TRPM3: variants seen among roughly 807,000 people sequenced by gnomAD.
TRPM3 encodes the protein transient receptor potential cation channel subfamily M member 3.
Under a neutral mutation model 181.2 loss-of-function variants are expected in TRPM3, and 77 were observed. The observed-to-expected ratio is 0.42, with a 90% confidence interval of 0.35 to 0.51. The LOEUF (loss-of-function observed/expected upper bound fraction) is 0.51. Among genes scored for constraint, TRPM3 ranks in the 20% least tolerant of loss-of-function variants. The pLI, the probability that TRPM3 is intolerant of heterozygous loss-of-function variation, is 0.01. For synonymous variants in TRPM3, 745 were observed against 796.4 expected, an observed-to-expected ratio of 0.94 and a Z score of 1.09; for missense variants, 1,759 against 2,196.7, an observed-to-expected ratio of 0.80 and a Z score of 3.98.
At position 70,810,805 on chromosome 9, in the gene TRPM3, G is replaced by C. The variant is rs187557454; in HGVS notation, c.973+17042C>G. On this transcript the variant is annotated intron_variant, in intron 6 of 25. Transcript: ENST00000677713. ...TTTAAGGCAAAGGCTTAACCTCTTGGAGGTGCCATTTCATCAACTGTATAA... is the reference window on the plus strand; with the variant it reads ...TTTAAGGCAAAGGCTTAACCTCTTGCAGGTGCCATTTCATCAACTGTATAA... 2.3e-3 allele frequency among the ~76,000 whole-genome samples: 350 copies of C among 152,284 alleles called. 1 individual carries two copies. Among genetic ancestry groups the C allele is most frequent in the African/African-American group, 8.2e-3 (341 of 41,560 alleles).
chr9:70,692,004 TAAAAC>T (rs1291920210), intron 8 of TRPM3, among the ~76,000 whole-genome samples: 2 of 152,116 alleles, frequency 1.3e-5, no homozygotes, highest in African/African-American at 4.8e-5. Flanking sequence ...GCTAAAAGTC[TAAAAC>T]AAAACAAAAC....
At chr9:71,288,602 G>C (rs1464764482) in intron 1 of TRPM3, among the ~76,000 whole-genome samples, 1 of 152,014 alleles carries the variant, frequency 6.6e-6, no homozygotes, top group Non-Finnish European at 1.5e-5. Context: ...TTTTTAAAAG[G>C]CATTTTCACA....
At chr9:70,758,162 C>A (rs2077425053) in intron 8 of TRPM3, among the ~76,000 whole-genome samples, 1 of 152,178 alleles carries the variant, frequency 6.6e-6, no homozygotes, top group South Asian at 2.1e-4. Context: ...GTGCAAAAAT[C>A]ACAAGCATCC....
intron 1 of TRPM3, among the ~76,000 whole-genome samples, chr9:71,067,863 T>C (rs756183318): frequency 2.6e-5 from 4 of 152,188 alleles, no homozygotes; most frequent in Non-Finnish European, 5.9e-5. Flanking sequence ...CTAATTATAA[T>C]GTAACTTTGG....
intron 1 of TRPM3, among the ~76,000 whole-genome samples, chr9:71,027,612 TCAA>T (rs1406248281): frequency 6.6e-6 from 1 of 152,126 alleles, no homozygotes; most frequent in East Asian, 1.9e-4. Flanking sequence ...AGGATCAAAA[TCAA>T]CATAATCAAC....
chr9:70,692,060 C>A (rs929359432), intron 8 of TRPM3, among the ~76,000 whole-genome samples: 1 of 152,158 alleles, frequency 6.6e-6, no homozygotes, highest in Non-Finnish European at 1.5e-5. Context: ...GACACGCTTG[C>A]GGGGCTTTCT....
At chr9:71,265,869 G>A (rs1202406045) in intron 1 of TRPM3, among the ~76,000 whole-genome samples, 1 of 152,096 alleles carries the variant, frequency 6.6e-6, no homozygotes, top group Non-Finnish European at 1.5e-5. Context: ...CATATTTTAA[G>A]TTCAAGCAAC....
intron 1 of TRPM3, among the ~76,000 whole-genome samples, chr9:71,404,489 A>G (rs1365106066): frequency 6.6e-6 from 1 of 152,056 alleles, no homozygotes; most frequent in African/African-American, 2.4e-5. Context: ...GTTCTTTCAA[A>G]TCTGCCTTAT....
intron 1 of TRPM3, among the ~76,000 whole-genome samples, chr9:71,098,901 C>T (rs1348186463): frequency 6.6e-6 from 1 of 152,102 alleles, no homozygotes; most frequent in African/African-American, 2.4e-5. Flanking sequence ...GATACTCATG[C>T]CTCCCTAGGC....
At chr9:70,962,222 C>T (rs1434070496) in intron 1 of TRPM3, among the ~76,000 whole-genome samples, 1 of 152,042 alleles carries the variant, frequency 6.6e-6, no homozygotes, top group East Asian at 1.9e-4. Flanking sequence ...GGGTGTTTCC[C>T]AGTAAGGTTA....
At chr9:70,892,473 A>G (rs1446590575) in intron 1 of TRPM3, among the ~76,000 whole-genome samples, 11 of 152,128 alleles carry the variant, frequency 7.2e-5, no homozygotes, top group Non-Finnish European at 1.5e-4. Flanking sequence ...AACATTTATT[A>G]TCTTGAAAGA....
chr9:70,534,865 G>T lies in TRPM3; in HGVS notation c.*1088C>A, dbSNP rs2041391995. 6.6e-6 allele frequency: 1 copy of T among 152,262 alleles called. No homozygotes were observed. 9.4% of individuals were successfully genotyped at this position (152,262 alleles called of 1,614,324 possible). A position where few individuals can be genotyped will look rare whatever the true frequency, so the allele number is the denominator to read the frequency against. On this transcript the variant is annotated 3_prime_UTR_variant, in exon 26 of 26. Transcript: ENST00000677713. ...ATAACCATATATTCATATACAAAAT[G>T]GTCATGTGATGAGTGGTGTGAAAAA...
intron 1 of TRPM3, among the ~76,000 whole-genome samples, chr9:71,267,366 C>A (rs746488043): frequency 6.6e-6 from 1 of 152,304 alleles, no homozygotes; most frequent in African/African-American, 2.4e-5. Flanking sequence ...GAAGGCAAGA[C>A]CTGTTTCATT....
At chr9:70,859,614 T>C (rs10868919) in intron 3 of TRPM3, among the ~76,000 whole-genome samples, 53,835 of 151,974 alleles carry the variant, frequency 0.35, 9,907 homozygotes, top group African/African-American at 0.39. Flanking sequence ...CTGAAAGCAA[T>C]TGCACAAGTA....
chr9:71,115,939 C>A (rs147594205), intron 1 of TRPM3, among the ~76,000 whole-genome samples: 51 of 152,292 alleles, frequency 3.3e-4, no homozygotes, highest in Non-Finnish European at 6.6e-4. Flanking sequence ...ACACACCAGA[C>A]CATTTTCCCT....
intron 1 of TRPM3, among the ~76,000 whole-genome samples, chr9:71,335,760 G>T (rs188605919): frequency 1.8e-3 from 266 of 150,570 alleles, no homozygotes; most frequent in Admixed American, 6.1e-3. Context: ...AGAATGTCAG[G>T]TATGGTCTAA....
chr9:71,271,746 C>G (rs537724278), intron 1 of TRPM3, among the ~76,000 whole-genome samples: 2 of 152,168 alleles, frequency 1.3e-5, no homozygotes, highest in Non-Finnish European at 2.9e-5. Flanking sequence ...GTGACACTAT[C>G]ATCCTCAGCA....
intron 1 of TRPM3, among the ~76,000 whole-genome samples, chr9:70,921,776 TAG>T (rs892041234): frequency 2.7e-4 from 41 of 152,134 alleles, no homozygotes; most frequent in African/African-American, 9.4e-4. Flanking sequence ...GATTGCTATA[TAG>T]AGAGGCCCAC....
At chr9:71,327,563 C>G (rs1005458009) in intron 1 of TRPM3, among the ~76,000 whole-genome samples, 1 of 152,150 alleles carries the variant, frequency 6.6e-6, no homozygotes, top group African/African-American at 2.4e-5. Context: ...CAGTGCAATA[C>G]AAATCACGTA....
Sources: gnomAD v4.1 joint callset for allele counts (sites outside exome capture counted in the v4.1 genomes callset) on GRCh38, gnomAD v4.1.1 for gene constraint, MANE v1.5 for transcripts, NCBI Gene and HGNC (gene_info 2026-07-23, HGNC 2026-07-21) for gene names.